OTUD6B: variants seen among roughly 807,000 people sequenced by gnomAD.
OTUD6B encodes deubiquitinase OTUD6B.
Under a neutral mutation model 36.9 loss-of-function variants are expected in OTUD6B, and 41 were observed. The ratio of observed to expected loss-of-function variants is 1.11; its 90% CI spans 0.87 to 1.44. The LOEUF (loss-of-function observed/expected upper bound fraction) is 1.44, where lower values mean the gene tolerates loss of function less well. Among genes scored for constraint, OTUD6B ranks in the 40% most tolerant of loss-of-function variants. The pLI, the probability that OTUD6B is intolerant of heterozygous loss-of-function variation, is 0.00. For missense variants in OTUD6B, 356 were observed against 344.8 expected (o/e 1.03, Z -0.26); for synonymous variants, 114 against 114.2 (o/e 1.00, Z 0.01).
At chr8:91,078,146 A>G (rs1812834818) in intron 3 of OTUD6B, 1 of 566,824 alleles carries the variant, frequency 1.8e-6, no homozygotes, top group African/African-American at 2.0e-5. Flanking sequence ...TGTCCAGTAT[A>G]GAGCAAGGTG....
At chr8:91,080,021 G>A (rs1007675037) in intron 4 of OTUD6B, among the ~76,000 whole-genome samples, 5 of 152,184 alleles carry the variant, frequency 3.3e-5, no homozygotes, top group East Asian at 3.9e-4. Context: ...TTAACATACT[G>A]TGTAAAAAGG....
In OTUD6B at chr8:91,084,926, C is replaced by A; in HGVS notation, c.*58C>A. 1 of 845,968 alleles carries A rather than the reference C, an allele frequency of 1.2e-6. No individual in the cohort carries two copies. Among genetic ancestry groups the A allele is most frequent in the Non-Finnish European group, 1.8e-6 (1 of 561,440 alleles). 52.4% of individuals were successfully genotyped at this position (845,968 alleles called of 1,614,324 possible). ...CAGTGTGCTGAACTGAGTATTTCTA[C>A]CAAGTGTTGGGTTGTTCTAAATGCT... On this transcript the variant is annotated 3_prime_UTR_variant, in exon 7 of 7. Transcript: ENST00000404789.
At position 91,083,680 on chromosome 8, in the gene OTUD6B, A is replaced by G. The variant is rs76052050; in HGVS notation, c.691-328A>G. 7.4e-4 allele frequency among the ~76,000 whole-genome samples: 113 copies of G among 152,282 alleles called. 1 individual carries two copies. In the East Asian group the frequency reaches 0.02, roughly 28 times the overall value. On this transcript the variant is annotated intron_variant, in intron 5 of 6. Transcript: ENST00000404789. ...AAAATTACCTTCATGGTGTGTGTGTAAGATATGTATGAAACATGAATGAAT... is the reference window on the plus strand; with the variant it reads ...AAAATTACCTTCATGGTGTGTGTGTGAGATATGTATGAAACATGAATGAAT...
Position 91,080,671 on chromosome 8 carries a change from G to T in OTUD6B, c.631G>T (p.Glu211Ter), listed in dbSNP as rs772032719. 4 of 1,599,730 alleles carry T rather than the reference G, an allele frequency of 2.5e-6. No homozygotes were observed. The highest frequency in any genetic ancestry group is 3.4e-5 in the Admixed American group (2 of 58,236). ...PNTGDMYTPEEFQKYCEDIVN... is the reference protein window; with the variant it reads ...PNTGDMYTPE ...GTATTCTGACCTAATCTCTACAGAA[G>T]AATTTCAGAAGTACTGTGAAGATAT... The change falls in exon 5 of 7, where the codon GAA becomes TAA. Residue 211 changes from glutamate to a stop codon, truncating the protein, a stop_gained and splice_region_variant. Transcript: ENST00000404789. LOFTEE classifies it high-confidence loss of function.
At chr8:91,073,441 G>A (rs1313596026) in intron 2 of OTUD6B, among the ~76,000 whole-genome samples, 1 of 152,258 alleles carries the variant, frequency 6.6e-6, no homozygotes. Flanking sequence ...ATGGAAAAAG[G>A]CCTCTGCTGC....
At chr8:91,070,723 A>G (rs1812674878) in intron 1 of OTUD6B, among the ~76,000 whole-genome samples, 1 of 151,818 alleles carries the variant, frequency 6.6e-6, no homozygotes, top group Non-Finnish European at 1.5e-5. Flanking sequence ...GAAAATACCT[A>G]GAAGCCGCCG....
chr8:91,073,616 A>G, intron 2 of OTUD6B: 1 of 256,676 alleles, frequency 3.9e-6, no homozygotes, highest in Non-Finnish European at 6.1e-6. Flanking sequence ...TCTAAGAAGG[A>G]AGGAAAGCAT....
Position 91,080,724 on chromosome 8 carries a change from G to T in OTUD6B, c.684G>T (p.Gln228His), listed in dbSNP as rs756165194. The T allele has an allele frequency of 6.4e-5, 103 of 1,599,008 alleles. 2 individuals are homozygous for T. In the South Asian group the frequency reaches 1.0e-3, roughly 16 times the overall value. The change falls in exon 5 of 7, where the codon CAG (glutamine) becomes CAT (histidine). Residue 228 changes from glutamine to histidine, a missense_variant. By Grantham distance (24) the Gln-to-His change is conservative. Coordinates refer to ENST00000404789, the MANE Select transcript of OTUD6B (RefSeq NM_016023.5). ...TAAACACAGCTGCATGGGGAGGTCA[G>T]CTTGAGGTAAGTTTGTAGTTATTCA... ...DIVNTAAWGGQLELRALSHIL... is the reference protein window; with the variant it reads ...DIVNTAAWGGHLELRALSHIL...
At chr8:91,078,790 A>G in intron 4 of OTUD6B, 122 bp downstream of exon 4, 1 of 556,688 alleles carries the variant, frequency 1.8e-6, no homozygotes, top group Non-Finnish European at 3.1e-6. Context: ...AAAACATCAC[A>G]AGATTTAGGC....
rs567099850 is a variant in OTUD6B, at chr8:91,076,437, G to A, written c.316-1919G>A. 12 of 982,576 alleles carry A rather than the reference G, an allele frequency of 1.2e-5. No individual in the cohort carries two copies. The Admixed American group carries it at 1.8e-4, about 15-fold the overall frequency. The allele number at this position is 982,576 out of a possible 1,614,324, so 60.9% of individuals were successfully genotyped here. ...AACTCAATTGCTTTGTTCTAATGAA[G>A]CAAAGCATGAAGGGAAAAAAATGAA... On this transcript the variant is annotated intron_variant, in intron 3 of 6. Transcript: ENST00000404789.
intron 4 of OTUD6B, among the ~76,000 whole-genome samples, chr8:91,079,905 T>C (rs72664455): frequency 6.6e-6 from 1 of 152,134 alleles, no homozygotes; most frequent in African/African-American, 2.4e-5. Context: ...TTCTGAACGC[T>C]GAGGATTTAA....
chr8:91,072,479 T>C, intron 2 of OTUD6B, among the ~76,000 whole-genome samples: 1 of 152,256 alleles, frequency 6.6e-6, no homozygotes. Flanking sequence ...CTTATGTCTA[T>C]GTAAAATCTT....
intron 6 of OTUD6B, 126 bp from the exon 7 acceptor site, chr8:91,084,658 T>C: frequency 9.2e-7 from 1 of 1,085,502 alleles, no homozygotes; most frequent in Non-Finnish European, 1.2e-6. Context: ...ACATAGTCTA[T>C]TGAGTGAAAC....
At chr8:91,080,545 G>A (rs1236370431) in intron 4 of OTUD6B, 124 bp from the exon 5 acceptor site, 2 of 1,455,930 alleles carry the variant, frequency 1.4e-6, no homozygotes, top group African/African-American at 1.5e-5. Context: ...GGAGGATAAT[G>A]GTAGAGAAGG....
chr8:91,081,942 A>G (rs1344620361), intron 5 of OTUD6B, among the ~76,000 whole-genome samples: 1 of 152,204 alleles, frequency 6.6e-6, no homozygotes, highest in East Asian at 1.9e-4. Flanking sequence ...AGGATCATTC[A>G]TATGAGTATT....
intron 2 of OTUD6B, among the ~76,000 whole-genome samples, chr8:91,072,104 CTT>C (rs1812712787): frequency 6.6e-6 from 1 of 152,146 alleles, no homozygotes; most frequent in Non-Finnish European, 1.5e-5. Context: ...AGCATCCTAA[CTT>C]TCATAATTTT....
chr8:91,071,374 T>TC, intron 2 of OTUD6B, 85 bp downstream of exon 2: 3 of 1,193,120 alleles, frequency 2.5e-6, no homozygotes, highest in Non-Finnish European at 3.5e-6. Flanking sequence ...CTTTTTTTTT[T>TC]TTTTTTGAGA....
chr8:91,078,285 C>T (rs1812837362), intron 3 of OTUD6B, 71 bp from the exon 4 acceptor site: 2 of 1,463,850 alleles, frequency 1.4e-6, no homozygotes, highest in Non-Finnish European at 1.8e-6. Context: ...CTTTACATTT[C>T]CCTTCCCTTA....
rs865971457 is a variant in OTUD6B, at chr8:91,083,949, A to G, written c.691-59A>G. On this transcript the variant is annotated intron_variant, in intron 5 of 6. Transcript: ENST00000404789. Reference sequence around the variant, plus strand: ...GCTCTGACTGGTTGCCCGTTCACACATATTTGAATGTGATTTACATTTTTA... The same window carrying G: ...GCTCTGACTGGTTGCCCGTTCACACGTATTTGAATGTGATTTACATTTTTA... 2.9e-5 allele frequency: 44 copies of G among 1,538,674 alleles called. No individual in the cohort carries two copies. The Middle Eastern group carries it at 1.2e-3, about 41-fold the overall frequency.
Sources: allele counts gnomAD v4.1 joint callset (sites outside exome capture counted in the v4.1 genomes callset), GRCh38; gene constraint gnomAD v4.1.1; transcripts MANE v1.5; gene names NCBI Gene and HGNC (gene_info 2026-07-23, HGNC 2026-07-21).